The following CDK8 variants were observed in gnomAD, a reference collection of about 807,000 sequenced individuals.
The protein encoded by CDK8 is cyclin-dependent kinase 8.
A neutral mutation model predicts 71.5 loss-of-function variants in CDK8; 29 were observed. The observed-to-expected ratio is 0.41, with a 90% CI of 0.30 to 0.55. CDK8 has a LOEUF of 0.55. Ranked by LOEUF, CDK8 falls within the 20% of genes least tolerant of loss-of-function variation. The probability of loss-of-function intolerance (pLI) is 0.37; values close to 1 mark genes in which losing one functional copy is unlikely to be tolerated. For synonymous variants in CDK8, 161 were observed against 192.1 expected (o/e 0.84, Z 1.34); for missense variants, 288 against 572.6 (o/e 0.50, Z 5.07).
intron 4 of CDK8, among the ~76,000 whole-genome samples, chr13:26,361,877 G>T (rs1211317887): frequency 7.7e-6 from 1 of 129,602 alleles, no homozygotes; most frequent in Non-Finnish European, 1.5e-5. Context: ...AGATCGTCCT[G>T]CCTCAGCCTT....
intron 1 of CDK8, among the ~76,000 whole-genome samples, chr13:26,320,677 A>G (rs1410821983): frequency 6.6e-6 from 1 of 152,204 alleles, no homozygotes; most frequent in Non-Finnish European, 1.5e-5. Context: ...CTGGAACTCA[A>G]CAACTAAAAA....
intron 1 of CDK8, among the ~76,000 whole-genome samples, chr13:26,255,278 G>A (rs1871471343): frequency 1.3e-5 from 2 of 152,140 alleles, no homozygotes; most frequent in South Asian, 4.1e-4. Flanking sequence ...TGTGGTTCTG[G>A]AGAGAGTTCC....
At chr13:26,268,909 C>G (rs1477171871) in intron 1 of CDK8, among the ~76,000 whole-genome samples, 1 of 152,122 alleles carries the variant, frequency 6.6e-6, no homozygotes, top group Non-Finnish European at 1.5e-5. Context: ...CTTGGTCATC[C>G]TCTCATTTCC....
chr13:26,256,223 T>A (rs1301712024), intron 1 of CDK8, among the ~76,000 whole-genome samples: 1 of 152,218 alleles, frequency 6.6e-6, no homozygotes, highest in Non-Finnish European at 1.5e-5. Flanking sequence ...GAAATCAGCG[T>A]CTGGAGATAT....
chr13:26,309,673 T>C (rs542332727), intron 1 of CDK8, among the ~76,000 whole-genome samples: 178 of 152,280 alleles, frequency 1.2e-3, no homozygotes, highest in African/African-American at 4.0e-3. Flanking sequence ...AATTCTAGGC[T>C]CGAGATACCC....
chr13:26,373,578 C>A (rs376474358), intron 4 of CDK8, among the ~76,000 whole-genome samples: 1 of 152,112 alleles, frequency 6.6e-6, no homozygotes, highest in Non-Finnish European at 1.5e-5. Flanking sequence ...ACATGTCTAA[C>A]AACTAGAGAA....
At chr13:26,292,718 T>G (rs1348397573) in intron 1 of CDK8, among the ~76,000 whole-genome samples, 1 of 152,230 alleles carries the variant, frequency 6.6e-6, no homozygotes, top group Non-Finnish European at 1.5e-5. Flanking sequence ...GCAGTGATAC[T>G]TTGGCTGGAT....
intron 4 of CDK8, among the ~76,000 whole-genome samples, chr13:26,371,708 C>T (rs904051946): frequency 8.5e-5 from 13 of 152,176 alleles, no homozygotes; most frequent in East Asian, 1.9e-4. Flanking sequence ...CTCCGCCTCC[C>T]GGGTTCAAGT....
At chr13:26,346,822 A>T (rs528707494) in intron 2 of CDK8, among the ~76,000 whole-genome samples, 34 of 152,388 alleles carry the variant, frequency 2.2e-4, no homozygotes, top group South Asian at 1.2e-3. Flanking sequence ...AATCTTTAAT[A>T]TGTGACTGAA....
intron 1 of CDK8, among the ~76,000 whole-genome samples, chr13:26,275,417 T>C (rs2137877483): frequency 6.6e-6 from 1 of 152,350 alleles, no homozygotes; most frequent in East Asian, 1.9e-4. Context: ...TTAAGAACCT[T>C]AATAAAGCCT....
intron 1 of CDK8, among the ~76,000 whole-genome samples, chr13:26,276,126 G>T (rs1289141181): frequency 6.6e-6 from 1 of 152,178 alleles, no homozygotes; most frequent in Non-Finnish European, 1.5e-5. Context: ...CTCCCAAAGT[G>T]CTGGGATTAC....
chr13:26,347,624 C>T (rs1049786084), intron 2 of CDK8, among the ~76,000 whole-genome samples: 3 of 152,114 alleles, frequency 2.0e-5, no homozygotes, highest in Admixed American at 6.6e-5. Flanking sequence ...GGGCAAAAGA[C>T]ATACTAAATA....
rs559172930 is a variant in CDK8 at position 26,285,090 on chromosome 13, T to G, written c.128+30321T>G. Among the ~76,000 whole-genome samples the G allele has an allele frequency of 2.6e-5, 4 of 152,136 alleles. No individual in the cohort carries two copies. In the East Asian group the frequency reaches 7.7e-4, roughly 29 times the overall value. On this transcript the variant is annotated intron_variant, in intron 1 of 12. Transcript: ENST00000381527. ...CCTGTCTCTACTAAAAATACAAAAGTTAGCCGGGCGTGGTGGCACACGCCT... is the reference window on the plus strand; with the variant it reads ...CCTGTCTCTACTAAAAATACAAAAGGTAGCCGGGCGTGGTGGCACACGCCT...
intron 1 of CDK8, among the ~76,000 whole-genome samples, chr13:26,310,585 T>C (rs1305408865): frequency 6.6e-6 from 1 of 152,058 alleles, no homozygotes; most frequent in African/African-American, 2.4e-5. Flanking sequence ...TAGGGTCCGT[T>C]CTCCTATGAG....
rs181413431 is a variant in CDK8, at chr13:26,341,213, G to A, written c.204+3571G>A. ...ACGATCTCGGCTCACTGCAATCTCTGCCTCCCGGGTTCAAGTGATTCTCCT... is the reference window on the plus strand; with the variant it reads ...ACGATCTCGGCTCACTGCAATCTCTACCTCCCGGGTTCAAGTGATTCTCCT... On this transcript the variant is annotated intron_variant, in intron 2 of 12. Coordinates refer to ENST00000381527, the MANE Select transcript of CDK8 (RefSeq NM_001260.3). 4.1e-3 allele frequency among the ~76,000 whole-genome samples: 621 copies of A among 152,148 alleles called. 7 individuals carry two copies. Among genetic ancestry groups the A allele is most frequent in the African/African-American group, 0.012 (515 of 41,510 alleles).
At chr13:26,358,158 G>A (rs1003923921) in intron 4 of CDK8, among the ~76,000 whole-genome samples, 2 of 152,100 alleles carry the variant, frequency 1.3e-5, no homozygotes, top group Non-Finnish European at 2.9e-5. Flanking sequence ...AATTAGCTGG[G>A]CATGGTGGCG....
chr13:26,310,325 T>A (rs757047789), intron 1 of CDK8, among the ~76,000 whole-genome samples: 3 of 152,164 alleles, frequency 2.0e-5, no homozygotes, highest in Admixed American at 6.5e-5. Context: ...TCCCTCTATG[T>A]CTGTGGTCCC....
At chr13:26,318,312 A>G (rs762342557) in intron 1 of CDK8, among the ~76,000 whole-genome samples, 7 of 152,150 alleles carry the variant, frequency 4.6e-5, no homozygotes, top group Non-Finnish European at 8.8e-5. Flanking sequence ...TTGATTTAAA[A>G]AAAAAAGACC....
chr13:26,294,002 A>G (rs1038422125), intron 1 of CDK8, among the ~76,000 whole-genome samples: 14 of 152,184 alleles, frequency 9.2e-5, no homozygotes, highest in Non-Finnish European at 1.6e-4. Flanking sequence ...AATTCTACAT[A>G]TAAGTGAGAT....
Sources: allele counts gnomAD v4.1 joint callset (sites outside exome capture counted in the v4.1 genomes callset), GRCh38; gene constraint gnomAD v4.1.1; transcripts MANE v1.5; gene names NCBI Gene and HGNC (gene_info 2026-07-23, HGNC 2026-07-21).